Variants in PFKP observed in about 807,000 individuals in gnomAD.
PFKP encodes the protein phosphofructokinase, platelet.
Under a neutral mutation model 94.3 loss-of-function variants are expected in PFKP, and 101 were observed. That is an observed-to-expected ratio of 1.07 (90% CI 0.91 to 1.26). PFKP has a LOEUF of 1.26. Among genes scored for constraint, PFKP ranks in the 50% most tolerant of loss-of-function variants. The pLI, the probability that PFKP is intolerant of heterozygous loss-of-function variation, is 0.00. For synonymous variants in PFKP, 573 were observed against 432.6 expected (o/e 1.32, Z -4.03); for missense variants, 1,145 against 1,103.3 (o/e 1.04, Z -0.53).
At chr10:3,109,672 G>A (rs3814587) in intron 10 of PFKP, among the ~76,000 whole-genome samples, 192 bp downstream of exon 10, 56,585 of 152,074 alleles carry the variant, frequency 0.37, 11,023 homozygotes, top group East Asian at 0.58. Context: ...AGCCTGCGCC[G>A]TCTTCGCTCT....
In PFKP at chr10:3,112,276, C is replaced by T; in HGVS notation, c.1144C>T (p.Leu382Phe). 1 of 1,613,242 alleles carries T rather than the reference C, an allele frequency of 6.2e-7. No homozygotes were observed. The highest frequency in any genetic ancestry group is 8.5e-7 in the Non-Finnish European group (1 of 1,179,146). The change falls in exon 11 of 22, where the codon CTC becomes TTC. Residue 382 changes from leucine (L) to phenylalanine (F), a missense_variant. Coordinates refer to ENST00000381125, the MANE Select transcript of PFKP (RefSeq NM_002627.5). ...DERRFQDAVRLRGRSFAGNLN... is the reference protein window; with the variant it reads ...DERRFQDAVRFRGRSFAGNLN... ...GAGGAGATTTCAAGATGCGGTTCGA[C>T]TCCGAGGGAGGTGAGGTGCTTTGGA...
intron 2 of PFKP, among the ~76,000 whole-genome samples, chr10:3,089,331 C>T (rs538661639): frequency 3.3e-5 from 5 of 152,266 alleles, no homozygotes; most frequent in East Asian, 3.9e-4. Flanking sequence ...GTGTTGTGGG[C>T]GTGCACCACG....
chr10:3,124,198 G>A (rs779949219), intron 16 of PFKP, among the ~76,000 whole-genome samples: 5 of 152,350 alleles, frequency 3.3e-5, no homozygotes, highest in Admixed American at 6.5e-5. Context: ...CCCACCAGTA[G>A]CATTTCTGCA....
At chr10:3,115,693 G>A (rs1463282178) in intron 13 of PFKP, among the ~76,000 whole-genome samples, 3 of 152,198 alleles carry the variant, frequency 2.0e-5, no homozygotes, top group African/African-American at 4.8e-5. Context: ...AATCTTCAGC[G>A]TCTCCACGTA....
intron 16 of PFKP, among the ~76,000 whole-genome samples, chr10:3,122,113 G>A (rs182116116): frequency 2.2e-4 from 34 of 152,258 alleles, no homozygotes; most frequent in African/African-American, 7.0e-4. Context: ...ATGAGCCACC[G>A]CGCCGGGCCT....
At chr10:3,084,374 CTAT>C (rs1438356021) in intron 2 of PFKP, among the ~76,000 whole-genome samples, 1 of 152,170 alleles carries the variant, frequency 6.6e-6, no homozygotes, top group African/African-American at 2.4e-5. Flanking sequence ...ATGGTTGCTA[CTAT>C]TATTCTTTGC....
intron 21 of PFKP, 71 bp from the exon 22 acceptor site, chr10:3,136,379 G>A (rs1839345893): frequency 6.4e-7 from 1 of 1,558,838 alleles, no homozygotes; most frequent in Admixed American, 1.7e-5. Context: ...ACCGCTCGCT[G>A]TGCTGGCCAG....
intron 4 of PFKP, among the ~76,000 whole-genome samples, chr10:3,102,997 T>G (rs1183186283): frequency 1.3e-5 from 2 of 152,188 alleles, no homozygotes; most frequent in African/African-American, 4.8e-5. Context: ...TCCGATTCCC[T>G]TTATGCAGAA....
intron 2 of PFKP, among the ~76,000 whole-genome samples, chr10:3,091,648 C>G (rs1276315580): frequency 1.3e-5 from 2 of 152,130 alleles, no homozygotes; most frequent in Non-Finnish European, 2.9e-5. Flanking sequence ...AACTCCGTCT[C>G]TACTAAGAAC....
rs370860066 is a variant in PFKP at position 3,132,450 on chromosome 10, G to C, written c.1910+9G>C. On this transcript the variant is annotated intron_variant, in intron 18 of 21. Coordinates refer to ENST00000381125, the MANE Select transcript of PFKP (RefSeq NM_002627.5). The stretch of plus-strand genomic sequence containing the variant: ...AGAGGCCTTGTGCTCAGGTGAGAGA[G>C]AGAGACCAGGGGCTGATCTTACCCT... The C allele has an allele frequency of 2.4e-4, 390 of 1,596,476 alleles. No individual in the cohort carries two copies. The highest frequency in any genetic ancestry group is 3.3e-4 in the Non-Finnish European group (380 of 1,164,030).
At chr10:3,104,992 G>A in intron 5 of PFKP, 123 bp from the exon 6 acceptor site, 3 of 882,550 alleles carry the variant, frequency 3.4e-6, no homozygotes, top group Middle Eastern at 2.1e-4. Context: ...AGGCCTCCTG[G>A]CTAACTCGGC....
intron 1 of PFKP, among the ~76,000 whole-genome samples, chr10:3,068,186 A>T (rs1467479370): frequency 6.6e-6 from 1 of 151,674 alleles, no homozygotes; most frequent in African/African-American, 2.4e-5. Flanking sequence ...CCGCCCCCCA[A>T]CTCCGCCGCA....
intron 2 of PFKP, among the ~76,000 whole-genome samples, chr10:3,091,102 G>C (rs191594865): frequency 2.0e-5 from 3 of 152,286 alleles, no homozygotes; most frequent in Admixed American, 6.5e-5. Flanking sequence ...CCTGGGCCAA[G>C]CCTACGTGTG....
At chr10:3,080,483 C>A (rs563941790) in intron 1 of PFKP, among the ~76,000 whole-genome samples, 1 of 135,072 alleles carries the variant, frequency 7.4e-6, no homozygotes, top group Non-Finnish European at 1.5e-5. Flanking sequence ...CACCACTGCA[C>A]TCCAGCCTGG....
At chr10:3,093,822 T>G (rs1176119017) in intron 2 of PFKP, among the ~76,000 whole-genome samples, 21 of 152,022 alleles carry the variant, frequency 1.4e-4, no homozygotes, top group East Asian at 1.9e-4. Context: ...TTTTTGTATT[T>G]TTAGTAGAGG....
Position 3,116,779 on chromosome 10 carries a change from A to G in PFKP, c.1375A>G (p.Lys459Glu), listed in dbSNP as rs1173677718. 15 of 1,613,278 alleles carry G rather than the reference A, an allele frequency of 9.3e-6. No individual in the cohort carries two copies. The highest frequency in any genetic ancestry group is 1.3e-5 in the Non-Finnish European group (15 of 1,179,186). ...GFDGFAKGQIKEIGWTDVGGW... is the reference protein window; with the variant it reads ...GFDGFAKGQIEEIGWTDVGGW... ...TCGTTCTGTGTTTGCACATTAGATC[A>G]AAGAAATCGGCTGGACAGATGTCGG... The change falls in exon 14 of 22, where the codon AAA becomes GAA. Residue 459 changes from lysine (K) to glutamate (E), a missense_variant. By Grantham distance (56) the Lys-to-Glu change is moderately conservative. Around this residue, in one of 3 missense-constraint regions of PFKP, gnomAD observed 1,119 missense variants for 1,062.8 expected, o/e 1.05. Transcript: ENST00000381125.
intron 3 of PFKP, among the ~76,000 whole-genome samples, chr10:3,099,627 C>G (rs1008957783): frequency 1.3e-5 from 2 of 152,218 alleles, no homozygotes; most frequent in African/African-American, 4.8e-5. Context: ...GGTCCAGGCT[C>G]TCTCTGCATT....
rs1836312477 is a variant in PFKP at position 3,112,247 on chromosome 10, A to G, written c.1115A>G (p.Asp372Gly). ...QMTQDVQKAMDERRFQDAVRL... is the reference protein window; with the variant it reads ...QMTQDVQKAMGERRFQDAVRL... ...ACTCAGGATGTGCAGAAGGCGATGG[A>G]CGAGAGGAGATTTCAAGATGCGGTT... The change falls in exon 11 of 22, where the codon GAC becomes GGC. Residue 372 changes from aspartate (D) to glycine (G), a missense_variant. Physicochemically the swap from Asp to Gly is moderately conservative, Grantham distance 94. Transcript: ENST00000381125. 6.2e-7 allele frequency: 1 copy of G among 1,613,854 alleles called. No homozygotes were observed. The highest frequency in any genetic ancestry group is 2.2e-5 in the East Asian group (1 of 44,882).
In PFKP at chr10:3,115,062, C is replaced by CT. The variant is rs201999659; in HGVS notation, c.1371+1545dup. Among the ~76,000 whole-genome samples the CT allele has an allele frequency of 1.1e-4, 16 of 152,260 alleles. No individual in the cohort carries two copies. In the East Asian group the frequency reaches 2.5e-3, roughly 24 times the overall value. The stretch of plus-strand genomic sequence containing the variant: ...ACGGAGGGCAGATGGGGTTTGCTTG[C>CT]TAAGTACACGCAGGCATAAACAGAG... On this transcript the variant is annotated intron_variant, in intron 13 of 21. Transcript: ENST00000381125.
Sources: allele counts gnomAD v4.1 joint callset (sites outside exome capture counted in the v4.1 genomes callset), GRCh38; gene constraint gnomAD v4.1.1; regional missense constraint gnomAD v4.1.1; transcripts MANE v1.5; gene names NCBI Gene and HGNC (gene_info 2026-07-23, HGNC 2026-07-21).